The following PRUNE2 variants were observed in gnomAD, a reference collection of about 807,000 sequenced individuals.
The protein encoded by PRUNE2 is prune homolog 2 with BCH domain, also known as protein prune homolog 2.
Under a neutral mutation model 252.0 loss-of-function variants are expected in PRUNE2, and 164 were observed. The ratio of observed to expected loss-of-function variants is 0.65; its 90% CI spans 0.57 to 0.74. The LOEUF is 0.74. Ranked by LOEUF, PRUNE2 falls within the 30% of genes least tolerant of loss-of-function variation. The pLI, the probability that PRUNE2 is intolerant of heterozygous loss-of-function variation, is 0.00. For missense variants in PRUNE2, 3,495 were observed against 3,711.0 expected (o/e 0.94, Z 1.51); for synonymous variants, 1,292 against 1,350.2 (o/e 0.96, Z 0.94).
chr9:76,638,460 A>T (rs924703162), intron 12 of PRUNE2, among the ~76,000 whole-genome samples, 172 bp from the exon 13 acceptor site: 1 of 152,240 alleles, frequency 6.6e-6, no homozygotes, highest in African/African-American at 2.4e-5. Flanking sequence ...CCATATAGTT[A>T]TCTTTCAGTG....
chr9:76,823,033 A>T (rs2058124186), intron 6 of PRUNE2, among the ~76,000 whole-genome samples: 1 of 152,228 alleles, frequency 6.6e-6, no homozygotes, highest in African/African-American at 2.4e-5. Context: ...GTTAATTAAG[A>T]TTAACATATA....
chr9:76,709,135 T>C lies in PRUNE2; in HGVS notation c.3139A>G (p.Thr1047Ala). The change falls in exon 8 of 19, where the codon ACT becomes GCT. Residue 1047 changes from threonine to alanine, a missense_variant. Thr to Ala is a moderately conservative substitution (Grantham distance 58). Transcript: ENST00000376718. ...HTDNSSEINT[T>A]HNLDENELKT... is the part of the protein sequence containing the mutation. ...AGTTCATTTTCATCCAGGTTGTGAG[T>C]GGTATTTATTTCAGAACTGTTATCT... 3.1e-6 allele frequency: 5 copies of C among 1,613,874 alleles called. No homozygotes were observed. The highest frequency in any genetic ancestry group is 4.2e-6 in the Non-Finnish European group (5 of 1,179,862).
intron 6 of PRUNE2, among the ~76,000 whole-genome samples, chr9:76,780,862 A>G (rs2054306614): frequency 6.6e-6 from 1 of 152,194 alleles, no homozygotes; most frequent in Admixed American, 6.5e-5. Flanking sequence ...GGATCTGCCC[A>G]GGACCACGCA....
chr9:76,884,068 G>A (rs1798507434), intron 1 of PRUNE2, among the ~76,000 whole-genome samples: 1 of 152,174 alleles, frequency 6.6e-6, no homozygotes, highest in Non-Finnish European at 1.5e-5. Context: ...TCTCATGTTT[G>A]TTTCCCTCTC....
At chr9:76,776,511 C>T (rs201610724) in intron 6 of PRUNE2, among the ~76,000 whole-genome samples, 56 of 134,586 alleles carry the variant, frequency 4.2e-4, no homozygotes, top group African/African-American at 4.1e-4. Context: ...TTTTTTTTTT[C>T]TTTTTTCTTT....
intron 1 of PRUNE2, among the ~76,000 whole-genome samples, chr9:76,872,801 T>C (rs1564480482): frequency 6.6e-6 from 1 of 152,100 alleles, no homozygotes; most frequent in African/African-American, 2.4e-5. Flanking sequence ...AAAACATTGA[T>C]AATTATTGAA....
At chr9:76,744,065 G>C (rs981721810) in intron 6 of PRUNE2, among the ~76,000 whole-genome samples, 1 of 152,182 alleles carries the variant, frequency 6.6e-6, no homozygotes, top group African/African-American at 2.4e-5. Flanking sequence ...TAGTGGTTGA[G>C]AGTTAACTGA....
At chr9:76,725,916 T>C (rs2048063473) in intron 6 of PRUNE2, among the ~76,000 whole-genome samples, 1 of 152,158 alleles carries the variant, frequency 6.6e-6, no homozygotes. Flanking sequence ...CTGTAACTGA[T>C]TTAAGTAGAG....
At chr9:76,713,380 G>A (rs2046888817) in intron 7 of PRUNE2, among the ~76,000 whole-genome samples, 183 bp downstream of exon 7, 1 of 152,104 alleles carries the variant, frequency 6.6e-6, no homozygotes, top group African/African-American at 2.4e-5. Context: ...ATGCTTTTGG[G>A]GCTTTCTTAA....
chr9:76,901,348 G>C (rs1173708895), intron 1 of PRUNE2, among the ~76,000 whole-genome samples: 1 of 152,104 alleles, frequency 6.6e-6, no homozygotes, highest in Non-Finnish European at 1.5e-5. Flanking sequence ...ATGGTCTCAA[G>C]AGCACCTGCC....
At position 76,711,071 on chromosome 9, in the gene PRUNE2, A is replaced by G. The variant is rs1256557372; in HGVS notation, c.1203T>C (p.Asn401=). 6.2e-7 allele frequency: 1 copy of G among 1,614,038 alleles called. No homozygotes were observed. Among genetic ancestry groups the G allele is most frequent in the Non-Finnish European group, 8.5e-7 (1 of 1,179,890 alleles). ...SDIEPQPSSV[N]FIENPPDLND... Reference sequence around the variant, plus strand: ...TGAGATCTGGAGGGTTCTCTATGAAATTCACAGAGCTGGGTTGTGGCTCTA... The same window carrying G: ...TGAGATCTGGAGGGTTCTCTATGAAGTTCACAGAGCTGGGTTGTGGCTCTA... Residue 401 remains asparagine (N), a synonymous_variant, in exon 8 of 19, where the codon AAT becomes AAC. Transcript: ENST00000376718.
chr9:76,906,078 T>C lies in PRUNE2; in HGVS notation c.-115A>G. 9.2e-7 allele frequency: 1 copy of C among 1,090,966 alleles called. No homozygotes were observed. Among genetic ancestry groups the C allele is most frequent in the Non-Finnish European group, 1.4e-6 (1 of 715,646 alleles). The allele number at this position is 1,090,966 out of a possible 1,614,324, so 67.6% of individuals were successfully genotyped here. A position where few individuals can be genotyped will look rare whatever the true frequency, so the allele number is the denominator to read the frequency against. ...GGCCCGCCGGGGCGCAGCGACCGAC[T>C]GCTCCCTCCTGCCGCTCTGAGGCGG... On this transcript the variant is annotated 5_prime_UTR_variant, in exon 1 of 19. Transcript: ENST00000376718.
chr9:76,742,850 G>T (rs971008960), intron 6 of PRUNE2, among the ~76,000 whole-genome samples: 21 of 152,192 alleles, frequency 1.4e-4, no homozygotes, highest in African/African-American at 4.8e-4. Flanking sequence ...GTCTAGAGCT[G>T]CTAAGGATAC....
chr9:76,640,541 G>C (rs954816675), intron 12 of PRUNE2, among the ~76,000 whole-genome samples: 4 of 150,408 alleles, frequency 2.7e-5, no homozygotes, highest in South Asian at 2.2e-4. Context: ...GTTTGTGAGA[G>C]AGCAACGTAG....
rs1487604134 is a variant in PRUNE2, at chr9:76,708,196, G to A, written c.4078C>T (p.Gln1360Ter). ...AGAGAAGACAGTTCCTGGTCACTCTGCCCTTTTTCAGAAATCCCTGAGGCA... is the reference window on the plus strand; with the variant it reads ...AGAGAAGACAGTTCCTGGTCACTCTACCCTTTTTCAGAAATCCCTGAGGCA... ...ENASGISEKGQSDQELSSLVA... is the reference protein window; with the variant it reads ...ENASGISEKG Residue 1360 changes from glutamine (Q) to a stop codon, truncating the protein, a stop_gained, in exon 8 of 19, where the codon CAG (glutamine) becomes TAG (stop). Transcript: ENST00000376718. LOFTEE classifies it high-confidence loss of function. The A allele has an allele frequency of 3.1e-6, 5 of 1,613,958 alleles. No homozygotes were observed. Among genetic ancestry groups the A allele is most frequent in the Admixed American group, 1.7e-5 (1 of 60,028 alleles).
intron 6 of PRUNE2, among the ~76,000 whole-genome samples, chr9:76,813,609 ATT>A (rs1437290687): frequency 1.3e-5 from 2 of 152,184 alleles, no homozygotes; most frequent in Admixed American, 6.5e-5. Flanking sequence ...ATATTTCTTC[ATT>A]GTTTCAGTTT....
At chr9:76,840,582 A>C (rs113512156) in intron 4 of PRUNE2, among the ~76,000 whole-genome samples, 69 of 152,376 alleles carry the variant, frequency 4.5e-4, no homozygotes, top group African/African-American at 1.5e-3. Flanking sequence ...TCAGCCATAA[A>C]TATCTAGTCT....
At chr9:76,720,174 C>T (rs2047508804) in intron 6 of PRUNE2, among the ~76,000 whole-genome samples, 1 of 152,122 alleles carries the variant, frequency 6.6e-6, no homozygotes, top group South Asian at 2.1e-4. Context: ...ACTCATGATA[C>T]AGTGTTAACT....
intron 6 of PRUNE2, among the ~76,000 whole-genome samples, chr9:76,726,584 G>T (rs1199288796): frequency 6.6e-6 from 1 of 151,996 alleles, no homozygotes; most frequent in Non-Finnish European, 1.5e-5. Flanking sequence ...AATTAAGGAG[G>T]GTATTAAAAA....
Sources: gnomAD v4.1 joint callset for allele counts (sites outside exome capture counted in the v4.1 genomes callset) on GRCh38, gnomAD v4.1.1 for gene constraint, MANE v1.5 for transcripts, NCBI Gene and HGNC (gene_info 2026-07-23, HGNC 2026-07-21) for gene names.